AOAH: variants seen among roughly 807,000 people sequenced by gnomAD.
AOAH encodes acyloxyacyl hydrolase.
A neutral mutation model predicts 92.2 loss-of-function variants in AOAH; 64 were observed. The observed-to-expected ratio is 0.69, with a 90% CI of 0.57 to 0.86. AOAH has a LOEUF of 0.86. Among genes scored for constraint, AOAH ranks in the 40% least tolerant of loss-of-function variants. The probability of loss-of-function intolerance (pLI) is 0.00; values close to 1 mark genes in which losing one functional copy is unlikely to be tolerated. For missense variants in AOAH, 656 were observed against 694.6 expected, an observed-to-expected ratio of 0.94 and a Z score of 0.62; for synonymous variants, 263 against 254.5, an observed-to-expected ratio of 1.03 and a Z score of -0.32.
chr7:36,714,674 T>A (rs541546569), intron 1 of AOAH, among the ~76,000 whole-genome samples: 5 of 152,182 alleles, frequency 3.3e-5, no homozygotes, highest in Non-Finnish European at 7.3e-5. Context: ...TGGTTCAACA[T>A]ATGTAAATCA....
chr7:36,677,104 A>T (rs1006352270), intron 2 of AOAH, among the ~76,000 whole-genome samples: 1 of 152,164 alleles, frequency 6.6e-6, no homozygotes, highest in South Asian at 2.1e-4. Context: ...TAAAATAACA[A>T]TAAGTTTTGC....
chr7:36,635,068 C>T (rs1321076251), intron 5 of AOAH, among the ~76,000 whole-genome samples: 1 of 152,196 alleles, frequency 6.6e-6, no homozygotes, highest in Non-Finnish European at 1.5e-5. Flanking sequence ...ACAAAGAGAA[C>T]TGAGATGGGC....
chr7:36,564,017 A>G (rs542869793), intron 13 of AOAH, among the ~76,000 whole-genome samples: 1 of 152,344 alleles, frequency 6.6e-6, no homozygotes, highest in South Asian at 2.1e-4. Flanking sequence ...AAGGATGCAT[A>G]ATAATAGCCT....
intron 1 of AOAH, among the ~76,000 whole-genome samples, chr7:36,696,625 G>A (rs1797726727): frequency 6.6e-6 from 1 of 152,152 alleles, no homozygotes; most frequent in Non-Finnish European, 1.5e-5. Context: ...ACTTTGGGAG[G>A]CTGAGGCGGG....
chr7:36,680,525 C>A (rs776883524), intron 2 of AOAH, among the ~76,000 whole-genome samples: 2 of 152,206 alleles, frequency 1.3e-5, no homozygotes, highest in Non-Finnish European at 2.9e-5. Context: ...GAAGGCAATG[C>A]AATATTGGAT....
chr7:36,606,739 G>T (rs1417203326), intron 11 of AOAH, among the ~76,000 whole-genome samples: 2 of 151,968 alleles, frequency 1.3e-5, no homozygotes, highest in African/African-American at 4.8e-5. Flanking sequence ...AGCAGAGATT[G>T]TTTTTTCCCT....
intron 3 of AOAH, among the ~76,000 whole-genome samples, chr7:36,668,124 T>C: frequency 6.6e-6 from 1 of 152,208 alleles, no homozygotes; most frequent in East Asian, 1.9e-4. Flanking sequence ...TTGTTTTTAT[T>C]TTTGTTTTCT....
chr7:36,712,325 T>C (rs966904661), intron 1 of AOAH, among the ~76,000 whole-genome samples: 2 of 152,282 alleles, frequency 1.3e-5, no homozygotes, highest in Admixed American at 6.5e-5. Flanking sequence ...ATTTTATATT[T>C]AACCAAATGT....
At position 36,531,422 on chromosome 7, in the gene AOAH, C is replaced by T. The variant is rs924704968; in HGVS notation, c.1425+725G>A. On this transcript the variant is annotated intron_variant, in intron 18 of 20. Transcript: ENST00000617537. Reference sequence around the variant, plus strand: ...AATGCAATGGCGCGATCTTGGCTCACGGCAACCTCCGCCTCCTGGGTTCAA... The same window carrying T: ...AATGCAATGGCGCGATCTTGGCTCATGGCAACCTCCGCCTCCTGGGTTCAA... Among the ~76,000 whole-genome samples, 40 of 152,196 alleles carry T rather than the reference C, an allele frequency of 2.6e-4. 1 individual carries two copies. The highest frequency in any genetic ancestry group is 2.4e-3 in the Admixed American group (36 of 15,274).
intron 9 of AOAH, among the ~76,000 whole-genome samples, chr7:36,619,339 T>C (rs1413161425): frequency 6.6e-6 from 1 of 152,162 alleles, no homozygotes; most frequent in Admixed American, 6.5e-5. Flanking sequence ...CCATCACTGA[T>C]GATGAGCTCT....
At chr7:36,623,012 T>A (rs1301784714) in intron 7 of AOAH, among the ~76,000 whole-genome samples, 178 bp downstream of exon 7, 1 of 152,170 alleles carries the variant, frequency 6.6e-6, no homozygotes, top group Non-Finnish European at 1.5e-5. Context: ...TGCACTCCAG[T>A]CTGGGGGAAC....
chr7:36,564,320 A>G (rs1236430438), intron 13 of AOAH, among the ~76,000 whole-genome samples: 1 of 152,216 alleles, frequency 6.6e-6, no homozygotes, highest in Non-Finnish European at 1.5e-5. Flanking sequence ...CCCTTTCACC[A>G]GAAACACAAT....
chr7:36,710,740 A>G (rs1798717544), intron 1 of AOAH, among the ~76,000 whole-genome samples: 1 of 152,210 alleles, frequency 6.6e-6, no homozygotes, highest in Non-Finnish European at 1.5e-5. Flanking sequence ...TTTACTTAAG[A>G]TACAGGTTGC....
chr7:36,622,127 T>C (rs1250755084), intron 7 of AOAH, among the ~76,000 whole-genome samples: 1 of 152,092 alleles, frequency 6.6e-6, no homozygotes, highest in Non-Finnish European at 1.5e-5. Context: ...CACGTGTATA[T>C]GCATGTGTGT....
chr7:36,540,342 A>G lies in AOAH; in HGVS notation c.1283T>C (p.Leu428Ser). The G allele has an allele frequency of 6.2e-7, 1 of 1,613,250 alleles. No homozygotes were observed. Among genetic ancestry groups the G allele is most frequent in the Non-Finnish European group, 8.5e-7 (1 of 1,179,686 alleles). Residue 428 changes from leucine (L) to serine (S), a missense_variant, in exon 16 of 21, where the codon TTG becomes TCG. Coordinates refer to ENST00000617537, the MANE Select transcript of AOAH (RefSeq NM_001637.4). ...ACCGAGAGGATGATATCTGTTGTGC[A>G]AATTATCCCAGAGAAAGGTTCCATC... ...LPDGTFLWDN[L>S]HNRYHPLGQL...
chr7:36,704,682 C>T (rs937340296), intron 1 of AOAH, among the ~76,000 whole-genome samples: 2 of 152,028 alleles, frequency 1.3e-5, no homozygotes, highest in African/African-American at 2.4e-5. Flanking sequence ...CTGGCAGTGA[C>T]ACAACAAAAA....
chr7:36,709,820 T>C (rs1172055071), intron 1 of AOAH, among the ~76,000 whole-genome samples: 1 of 152,056 alleles, frequency 6.6e-6, no homozygotes, highest in Non-Finnish European at 1.5e-5. Flanking sequence ...GTGAAATCCA[T>C]GAGAAAAAGC....
At chr7:36,661,636 G>A (rs141963942) in intron 3 of AOAH, among the ~76,000 whole-genome samples, 1 of 152,192 alleles carries the variant, frequency 6.6e-6, no homozygotes, top group African/African-American at 2.4e-5. Context: ...CTCTCCCTGA[G>A]CCTCCTCCAC....
chr7:36,515,138 ACCACACCCCTCACAACC>A (rs1342704597), intron 20 of AOAH, among the ~76,000 whole-genome samples: 1 of 130,514 alleles, frequency 7.7e-6, no homozygotes, highest in East Asian at 2.4e-4. Context: ...CCACACACAC[ACCACACCCCTCACAACC>A]CCACACCACA....
Sources: allele counts gnomAD v4.1 joint callset (sites outside exome capture counted in the v4.1 genomes callset), GRCh38; gene constraint gnomAD v4.1.1; transcripts MANE v1.5; gene names NCBI Gene and HGNC (gene_info 2026-07-23, HGNC 2026-07-21).